The following ATXN2 variants were observed in gnomAD, a reference collection of about 807,000 sequenced individuals.
ATXN2 encodes the protein ataxin-2.
In ATXN2, 37 loss-of-function variants were observed where a neutral mutation model predicts 138.6. The observed-to-expected ratio is 0.27, with a 90% CI of 0.21 to 0.35. The LOEUF is 0.35. Ranked by LOEUF, ATXN2 falls within the 10% of genes least tolerant of loss-of-function variation. ATXN2 has a pLI of 1.00. For missense variants in ATXN2, 1,216 were observed against 1,480.3 expected (o/e 0.82, Z 2.93); for synonymous variants, 549 against 543.7 (o/e 1.01, Z -0.13).
rs750196852 is a variant in ATXN2, at chr12:111,486,843, C to G, written c.2241-19G>C. 1.9e-6 allele frequency: 3 copies of G among 1,599,400 alleles called. No individual in the cohort carries two copies. In the Admixed American group the frequency reaches 5.1e-5, roughly 27 times the overall value. ...AACTTGCCTAAAAAAAATATAAAGG[C>G]CAGTGAAATCTACATGGACTTTACG... On this transcript the variant is annotated intron_variant, in intron 15 of 24. Transcript: ENST00000673436.
chr12:111,466,393 C>CGAGT (rs996104444), intron 20 of ATXN2, among the ~76,000 whole-genome samples: 9 of 151,106 alleles, frequency 6.0e-5, no homozygotes, highest in Non-Finnish European at 1.3e-4. Flanking sequence ...CCTAGCTACT[C>CGAGT]GGGAGGCTGA....
intron 18 of ATXN2, among the ~76,000 whole-genome samples, chr12:111,480,006 G>GA (rs1295283663): frequency 2.7e-3 from 115 of 41,894 alleles, no homozygotes; most frequent in Middle Eastern, 0.01. Context: ...CGTAAAAAAA[G>GA]AAAAAAAAAA....
At position 111,543,736 on chromosome 12, in the gene ATXN2, A is replaced by G. The variant is rs144939442; in HGVS notation, c.571+8544T>C. Reference sequence around the variant, plus strand: ...CTCTAACTCTAAAAATGCTTAGAATAGAGTACATGGCGTATATGAACTCCC... The same window carrying G: ...CTCTAACTCTAAAAATGCTTAGAATGGAGTACATGGCGTATATGAACTCCC... On this transcript the variant is annotated intron_variant, in intron 5 of 24. Transcript: ENST00000673436. Among the ~76,000 whole-genome samples the G allele has an allele frequency of 2.5e-3, 377 of 152,340 alleles. 2 individuals are homozygous for G. The highest frequency in any genetic ancestry group is 8.8e-3 in the African/African-American group (366 of 41,572).
At chr12:111,466,656 T>C (rs1156469923) in intron 20 of ATXN2, among the ~76,000 whole-genome samples, 1 of 152,222 alleles carries the variant, frequency 6.6e-6, no homozygotes, top group Non-Finnish European at 1.5e-5. Flanking sequence ...TTAAACATAC[T>C]AAAAATTTAA....
intron 10 of ATXN2, among the ~76,000 whole-genome samples, chr12:111,515,603 A>G (rs948642856): frequency 2.0e-5 from 3 of 152,240 alleles, no homozygotes; most frequent in African/African-American, 7.2e-5. Context: ...AAGATTGCAA[A>G]GCTAACTTTA....
intron 1 of ATXN2, among the ~76,000 whole-genome samples, chr12:111,581,135 CAAAA>C (rs1016431358): frequency 6.9e-5 from 4 of 57,894 alleles, no homozygotes; most frequent in Non-Finnish European, 9.3e-5. Context: ...GACTCCATCT[CAAAA>C]AAAAAAAAAA....
At chr12:111,555,119 G>C (rs1304999118) in intron 2 of ATXN2, among the ~76,000 whole-genome samples, 7 of 151,868 alleles carry the variant, frequency 4.6e-5, no homozygotes, top group Admixed American at 3.9e-4. Flanking sequence ...CAAAATTTAA[G>C]ACCAGAAAGC....
chr12:111,543,079 G>A (rs1038374068), intron 5 of ATXN2, among the ~76,000 whole-genome samples: 4 of 152,006 alleles, frequency 2.6e-5, no homozygotes, highest in Non-Finnish European at 4.4e-5. Flanking sequence ...ACATAGATCC[G>A]TTCCACCTGT....
chr12:111,528,055 G>A (rs1193596842), intron 5 of ATXN2, among the ~76,000 whole-genome samples: 1 of 152,132 alleles, frequency 6.6e-6, no homozygotes, highest in Non-Finnish European at 1.5e-5. Flanking sequence ...ATTATCTTCT[G>A]GAAGAAGCAA....
At chr12:111,556,535 G>C (rs2135791165) in intron 1 of ATXN2, among the ~76,000 whole-genome samples, 1 of 152,182 alleles carries the variant, frequency 6.6e-6, no homozygotes, top group Admixed American at 6.5e-5. Context: ...CAGGTCATAT[G>C]GGCCGGGCGC....
At chr12:111,549,494 C>T (rs933995693) in intron 5 of ATXN2, among the ~76,000 whole-genome samples, 2 of 151,538 alleles carry the variant, frequency 1.3e-5, no homozygotes, top group South Asian at 4.2e-4. Flanking sequence ...CGAGATCGCA[C>T]CACTGCACTC....
intron 10 of ATXN2, among the ~76,000 whole-genome samples, chr12:111,514,584 G>T: frequency 6.6e-6 from 1 of 152,144 alleles, no homozygotes. Flanking sequence ...GAGTGCAGTG[G>T]TACGATCTCA....
At chr12:111,568,867 CATT>C (rs1883164427) in intron 1 of ATXN2, among the ~76,000 whole-genome samples, 2 of 152,146 alleles carry the variant, frequency 1.3e-5, no homozygotes, top group Admixed American at 1.3e-4. Context: ...TTGTTGTTTA[CATT>C]ATTATTAGAA....
At chr12:111,513,641 T>A in intron 10 of ATXN2, 102 bp from the exon 11 acceptor site, 3 of 933,942 alleles carry the variant, frequency 3.2e-6, no homozygotes, top group Non-Finnish European at 4.4e-6. Flanking sequence ...ACACACTCAC[T>A]CACTCTACAG....
chr12:111,472,032 G>T (rs1876451220), intron 18 of ATXN2: 1 of 152,110 alleles, frequency 6.6e-6, no homozygotes, highest in South Asian at 2.1e-4. Flanking sequence ...TAGGAGGCCA[G>T]GGCGAGCGGA....
At chr12:111,579,775 T>C (rs1009526270) in intron 1 of ATXN2, among the ~76,000 whole-genome samples, 3 of 151,052 alleles carry the variant, frequency 2.0e-5, no homozygotes, top group African/African-American at 7.3e-5. Context: ...CTTGGTTCAC[T>C]GCAACCTCCT....
intron 18 of ATXN2, among the ~76,000 whole-genome samples, chr12:111,484,115 G>T (rs1334514355): frequency 6.6e-6 from 1 of 152,088 alleles, no homozygotes; most frequent in Admixed American, 6.6e-5. Flanking sequence ...CTTAACATTG[G>T]TTGAAGTTAG....
chr12:111,453,520 C>A lies in ATXN2; in HGVS notation c.3439+157G>T. Reference sequence around the variant, plus strand: ...CTCCCGGAAGCCTCAGGCCCTGATGCTGAACTGATCGTCACAGTCCCTCCT... The same window carrying A: ...CTCCCGGAAGCCTCAGGCCCTGATGATGAACTGATCGTCACAGTCCCTCCT... On this transcript the variant is annotated intron_variant, in intron 24 of 24. Coordinates refer to ENST00000673436, the MANE Select transcript of ATXN2 (RefSeq NM_001372574.1). The surrounding 1 kb of genome is among the most constrained non-coding windows in gnomAD (Gnocchi z 5.4). 7.2e-7 allele frequency: 1 copy of A among 1,385,678 alleles called. No individual in the cohort carries two copies. Among genetic ancestry groups the A allele is most frequent in the Non-Finnish European group, 9.3e-7 (1 of 1,072,956 alleles). 85.8% of individuals were successfully genotyped at this position (1,385,678 alleles called of 1,614,324 possible).
chr12:111,581,350 C>G (rs962144423), intron 1 of ATXN2: 55 of 577,752 alleles, frequency 9.5e-5, no homozygotes, highest in South Asian at 8.9e-4. Context: ...CCCCAGCAAC[C>G]CGACCACAGC....
Sources: allele counts gnomAD v4.1 joint callset (sites outside exome capture counted in the v4.1 genomes callset), GRCh38; gene constraint gnomAD v4.1.1; non-coding constraint Gnocchi (gnomAD v3.1); transcripts MANE v1.5; gene names NCBI Gene and HGNC (gene_info 2026-07-23, HGNC 2026-07-21).